GPC5: variants seen among roughly 807,000 people sequenced by gnomAD.
GPC5 encodes glypican-5.
GPC5 carries 47 observed loss-of-function variants against 53.9 expected under a neutral mutation model. That is an observed-to-expected ratio of 0.87 (90% CI 0.69 to 1.11). GPC5 has a LOEUF of 1.11. Ranked by LOEUF, GPC5 falls within the 50% of genes most tolerant of loss-of-function variation. The pLI is 0.00. For missense variants in GPC5, 748 were observed against 713.1 expected (o/e 1.05, Z -0.56); for synonymous variants, 286 against 263.3 (o/e 1.09, Z -0.84).
At position 91,594,990 on chromosome 13, in the gene GPC5, ATTTATTT is replaced by A. The variant is rs1394493914; in HGVS notation, c.326-98196_326-98190del. Among the ~76,000 whole-genome samples, 27 of 3,022 alleles carry A rather than the reference ATTTATTT, an allele frequency of 8.9e-3. No individual in the cohort carries two copies. The South Asian group carries it at 0.2, about 23-fold the overall frequency. The allele number at this position is 3,022 out of a possible 152,430, so 2.0% of individuals were successfully genotyped here. A position where few individuals can be genotyped will look rare whatever the true frequency, so the allele number is the denominator to read the frequency against. On this transcript the variant is annotated intron_variant, in intron 2 of 7. Coordinates refer to ENST00000377067, the MANE Select transcript of GPC5 (RefSeq NM_004466.6). ...CAGGCTTATTTTTTTATTTACATTTATTTATTTATTTATTTATTTATTTATTTATTTA... is the reference window on the plus strand; with the variant it reads ...CAGGCTTATTTTTTTATTTACATTTAATTTATTTATTTATTTATTTATTTA...
intron 2 of GPC5, among the ~76,000 whole-genome samples, chr13:91,456,634 A>G (rs1447446024): frequency 1.3e-5 from 2 of 152,074 alleles, no homozygotes. Context: ...ATTGTAATGT[A>G]AGCATTGTGT....
intron 7 of GPC5, among the ~76,000 whole-genome samples, chr13:92,202,990 TA>T (rs1336255221): frequency 2.6e-5 from 4 of 152,170 alleles, no homozygotes; most frequent in Non-Finnish European, 5.9e-5. Context: ...CTAACAATCA[TA>T]CAATCAATGT....
chr13:91,641,849 G>A (rs1402129421), intron 2 of GPC5, among the ~76,000 whole-genome samples: 2 of 152,186 alleles, frequency 1.3e-5, no homozygotes, highest in East Asian at 3.9e-4. Context: ...GGAGTTGGGT[G>A]GTCTAGGGGC....
At chr13:92,566,645 T>C (rs139821397) in intron 7 of GPC5, among the ~76,000 whole-genome samples, 1 of 152,086 alleles carries the variant, frequency 6.6e-6, no homozygotes, top group African/African-American at 2.4e-5. Flanking sequence ...GGCTCTAGTG[T>C]TATGGTTTGG....
intron 7 of GPC5, among the ~76,000 whole-genome samples, chr13:92,441,191 C>T (rs1410555848): frequency 1.3e-5 from 2 of 152,126 alleles, no homozygotes; most frequent in African/African-American, 4.8e-5. Context: ...CATGAATCAG[C>T]CTCCCAAGTA....
intron 6 of GPC5, among the ~76,000 whole-genome samples, chr13:92,097,685 A>G (rs1422994752): frequency 6.6e-6 from 1 of 152,264 alleles, no homozygotes; most frequent in Non-Finnish European, 1.5e-5. Context: ...TGAGAATGTT[A>G]TATCAACTGA....
intron 7 of GPC5, among the ~76,000 whole-genome samples, chr13:92,639,679 A>G (rs1447150697): frequency 6.6e-6 from 1 of 152,172 alleles, no homozygotes; most frequent in African/African-American, 2.4e-5. Context: ...ATTCTACCTT[A>G]TAATTTTTAT....
intron 2 of GPC5, chr13:91,485,856 G>T (rs1017642898): frequency 6.6e-6 from 1 of 152,184 alleles, no homozygotes; most frequent in African/African-American, 2.4e-5. Flanking sequence ...ATGAAGCAAG[G>T]TGCATATGCC....
intron 2 of GPC5, among the ~76,000 whole-genome samples, chr13:91,449,497 A>G (rs1881037728): frequency 6.6e-6 from 1 of 152,094 alleles, no homozygotes; most frequent in African/African-American, 2.4e-5. Context: ...TATTTGTCCT[A>G]ATGCTCTCCC....
chr13:92,382,762 G>A (rs1196836647), intron 7 of GPC5, among the ~76,000 whole-genome samples: 1 of 151,998 alleles, frequency 6.6e-6, no homozygotes, highest in Non-Finnish European at 1.5e-5. Flanking sequence ...TGTAATCCCA[G>A]CACTTTGGGA....
intron 2 of GPC5, among the ~76,000 whole-genome samples, chr13:91,476,268 C>T (rs1038142926): frequency 1.3e-5 from 2 of 152,166 alleles, no homozygotes; most frequent in African/African-American, 2.4e-5. Context: ...AGCAAAATCA[C>T]CCCAAGTTTA....
At chr13:91,705,591 G>A (rs1453198383) in intron 3 of GPC5, among the ~76,000 whole-genome samples, 1 of 151,926 alleles carries the variant, frequency 6.6e-6, no homozygotes, top group South Asian at 2.1e-4. Flanking sequence ...GGATATCATC[G>A]TTGGGGGGAA....
At chr13:91,911,996 G>A (rs1019366735) in intron 6 of GPC5, among the ~76,000 whole-genome samples, 1 of 152,164 alleles carries the variant, frequency 6.6e-6, no homozygotes, top group African/African-American at 2.4e-5. Flanking sequence ...CCACACAACT[G>A]GAAGTGTATG....
chr13:91,665,956 A>G (rs533150578), intron 2 of GPC5, among the ~76,000 whole-genome samples: 1 of 152,344 alleles, frequency 6.6e-6, no homozygotes, highest in African/African-American at 2.4e-5. Context: ...AGGAATTTTC[A>G]GTGCCATCTC....
At chr13:91,976,609 T>C (rs1346677634) in intron 6 of GPC5, among the ~76,000 whole-genome samples, 3 of 152,204 alleles carry the variant, frequency 2.0e-5, no homozygotes, top group Non-Finnish European at 4.4e-5. Flanking sequence ...TTGGGAATTA[T>C]GACACGTGAA....
chr13:92,422,571 G>T (rs578088266), intron 7 of GPC5, among the ~76,000 whole-genome samples: 29 of 150,822 alleles, frequency 1.9e-4, no homozygotes, highest in African/African-American at 6.9e-4. Flanking sequence ...TTGTAGTCAT[G>T]ACGAGAGGTG....
chr13:91,453,289 G>A (rs923752284), intron 2 of GPC5, among the ~76,000 whole-genome samples: 8 of 151,698 alleles, frequency 5.3e-5, no homozygotes, highest in Non-Finnish European at 7.4e-5. Flanking sequence ...TATAACTTAC[G>A]GATTTTTATC....
intron 6 of GPC5, among the ~76,000 whole-genome samples, chr13:92,026,862 C>A (rs920124490): frequency 6.6e-6 from 1 of 152,132 alleles, no homozygotes; most frequent in Non-Finnish European, 1.5e-5. Context: ...TGTTTCAAAA[C>A]TATGAGTCTA....
intron 7 of GPC5, among the ~76,000 whole-genome samples, chr13:92,215,701 G>A (rs918030360): frequency 7.2e-5 from 11 of 152,146 alleles, no homozygotes; most frequent in African/African-American, 2.7e-4. Context: ...GCCCTTCATG[G>A]TTTCATTCTT....
Sources: gnomAD v4.1 joint callset for allele counts (sites outside exome capture counted in the v4.1 genomes callset) on GRCh38, gnomAD v4.1.1 for gene constraint, MANE v1.5 for transcripts, NCBI Gene and HGNC (gene_info 2026-07-23, HGNC 2026-07-21) for gene names.